Variants in ZNF536 observed in about 807,000 individuals in gnomAD.
ZNF536 encodes zinc finger protein 536.
ZNF536 carries 13 observed loss-of-function variants against 84.5 expected under a neutral mutation model. That is an observed-to-expected ratio of 0.15 (90% CI 0.10 to 0.24). ZNF536 has a LOEUF of 0.24. Ranked by LOEUF, ZNF536 falls within the 10% of genes least tolerant of loss-of-function variation. The probability of loss-of-function intolerance (pLI) is 1.00; values close to 1 mark genes in which losing one functional copy is unlikely to be tolerated. For missense variants in ZNF536, 1,536 were observed against 1,747.5 expected, an observed-to-expected ratio of 0.88 and a Z score of 2.16; for synonymous variants, 811 against 742.5, an observed-to-expected ratio of 1.09 and a Z score of -1.50.
chr19:30,551,013 A>G (rs574974668), intron 4 of ZNF536, among the ~76,000 whole-genome samples: 1 of 151,074 alleles, frequency 6.6e-6, no homozygotes, highest in Non-Finnish European at 1.5e-5. Flanking sequence ...GTTAGTCCAA[A>G]TTTTTTCCCC....
At chr19:30,312,033 A>C (rs972555101) in intron 2 of ZNF536, among the ~76,000 whole-genome samples, 2 of 152,336 alleles carry the variant, frequency 1.3e-5, no homozygotes, top group Non-Finnish European at 1.5e-5. Flanking sequence ...GCACCACTGC[A>C]CTTTGGCCAG....
At chr19:30,574,349 G>C (rs150028484) in intron 1 of ZNF536, among the ~76,000 whole-genome samples, 255 of 152,332 alleles carry the variant, frequency 1.7e-3, no homozygotes, top group African/African-American at 5.8e-3. Flanking sequence ...CAGGATCCCA[G>C]GTGGGTTCCT....
intron 1 of ZNF536, among the ~76,000 whole-genome samples, chr19:30,407,683 C>T (rs2050318617): frequency 6.6e-6 from 1 of 152,170 alleles, no homozygotes; most frequent in South Asian, 2.1e-4. Context: ...CCTTTCAGGC[C>T]CTTATGCATA....
intron 2 of ZNF536, among the ~76,000 whole-genome samples, chr19:30,458,447 G>GTTTTGT (rs755090482): frequency 2.4e-5 from 2 of 83,490 alleles, no homozygotes; most frequent in African/African-American, 5.6e-5. Flanking sequence ...ATTTCCTGCT[G>GTTTTGT]TTTTTTTTTT....
intron 1 of ZNF536, among the ~76,000 whole-genome samples, chr19:30,566,694 C>G (rs553190292): frequency 7.6e-4 from 95 of 125,170 alleles, no homozygotes; most frequent in African/African-American, 2.8e-3. Flanking sequence ...GTATGTGGCC[C>G]CTCTGGACAG....
At chr19:30,496,700 C>G (rs2054733608) in intron 2 of ZNF536, among the ~76,000 whole-genome samples, 1 of 152,054 alleles carries the variant, frequency 6.6e-6, no homozygotes, top group Non-Finnish European at 1.5e-5. Context: ...GTTTGGGCAG[C>G]ACCTGGGCCT....
chr19:30,567,437 T>C (rs955336679), intron 1 of ZNF536, among the ~76,000 whole-genome samples: 1 of 152,204 alleles, frequency 6.6e-6, no homozygotes, highest in African/African-American at 2.4e-5. Flanking sequence ...GTCGCAGTGA[T>C]AACCCTGAGT....
chr19:30,236,534 G>GA (rs1555771921), intron 1 of ZNF536, among the ~76,000 whole-genome samples: 1 of 135,056 alleles, frequency 7.4e-6, no homozygotes, highest in South Asian at 2.3e-4. Flanking sequence ...TGGGGCGGGG[G>GA]GGGGGTACAA....
chr19:30,606,908 G>C (rs948582339), intron 1 of ZNF536, among the ~76,000 whole-genome samples: 3 of 152,204 alleles, frequency 2.0e-5, no homozygotes, highest in Admixed American at 6.5e-5. Context: ...TGGAACACTG[G>C]GGGCAGCTAT....
chr19:30,415,710 A>G lies in ZNF536; in HGVS notation c.-2-27851A>G, dbSNP rs1019848480. Among the ~76,000 whole-genome samples the G allele has an allele frequency of 9.2e-5, 14 of 152,126 alleles. No homozygotes were observed. In the East Asian group the frequency reaches 2.7e-3, roughly 30 times the overall value. On this transcript the variant is annotated intron_variant, in intron 1 of 4. Transcript: ENST00000355537. Reference sequence around the variant, plus strand: ...ACTGCAAGCTCAGCCTCCTGGGTTCACACCATTCTCCTGCCTCAGCCTCCC... The same window carrying G: ...ACTGCAAGCTCAGCCTCCTGGGTTCGCACCATTCTCCTGCCTCAGCCTCCC...
At chr19:30,486,671 C>T (rs981894992) in intron 2 of ZNF536, among the ~76,000 whole-genome samples, 14 of 152,172 alleles carry the variant, frequency 9.2e-5, no homozygotes, top group African/African-American at 3.4e-4. Context: ...TTTGAGGATT[C>T]TCCACACTGA....
chr19:30,353,125 G>A (rs1374224504), intron 3 of ZNF536, among the ~76,000 whole-genome samples: 2 of 152,186 alleles, frequency 1.3e-5, no homozygotes, highest in Admixed American at 1.3e-4. Flanking sequence ...AAGGCCAGTC[G>A]ATAAAAGCCT....
At chr19:30,395,080 A>G (rs775155658) in intron 1 of ZNF536, among the ~76,000 whole-genome samples, 3 of 152,340 alleles carry the variant, frequency 2.0e-5, no homozygotes, top group Non-Finnish European at 4.4e-5. Flanking sequence ...ATTGTACTGA[A>G]TGAAGTTCTA....
At chr19:30,451,274 G>A (rs1376725927) in intron 2 of ZNF536, among the ~76,000 whole-genome samples, 1 of 152,376 alleles carries the variant, frequency 6.6e-6, no homozygotes, top group East Asian at 1.9e-4. Flanking sequence ...CGGGATCGCC[G>A]TTGCTCTCAG....
At chr19:30,392,889 A>G (rs2049657666) in intron 1 of ZNF536, among the ~76,000 whole-genome samples, 1 of 152,208 alleles carries the variant, frequency 6.6e-6, no homozygotes, top group Admixed American at 6.5e-5. Context: ...TTGCTTGGTA[A>G]CTTCAAATAA....
intron 1 of ZNF536, among the ~76,000 whole-genome samples, chr19:30,576,396 C>A (rs1421174546): frequency 6.6e-6 from 1 of 152,220 alleles, no homozygotes; most frequent in Non-Finnish European, 1.5e-5. Context: ...TCAAGCCCCA[C>A]CTGGGTCCTC....
intron 1 of ZNF536, among the ~76,000 whole-genome samples, chr19:30,678,212 C>T (rs779919928): frequency 1.3e-5 from 2 of 152,194 alleles, no homozygotes; most frequent in African/African-American, 2.4e-5. Context: ...CACAGCTTTC[C>T]TCTTCAAAAG....
chr19:30,293,619 G>A (rs1206248316), intron 2 of ZNF536, among the ~76,000 whole-genome samples: 2 of 152,310 alleles, frequency 1.3e-5, no homozygotes, highest in Non-Finnish European at 2.9e-5. Context: ...TTTGGCTGTG[G>A]TTTAGGCCTG....
intron 1 of ZNF536, among the ~76,000 whole-genome samples, chr19:30,261,828 C>T (rs1020955758): frequency 6.6e-6 from 1 of 151,932 alleles, no homozygotes; most frequent in Non-Finnish European, 1.5e-5. Context: ...CTGTGGATGA[C>T]TGAGGTGTGG....
Sources: allele counts gnomAD v4.1 joint callset (sites outside exome capture counted in the v4.1 genomes callset), GRCh38; gene constraint gnomAD v4.1.1; transcripts MANE v1.5; gene names NCBI Gene and HGNC (gene_info 2026-07-23, HGNC 2026-07-21).